RECK: variants seen among roughly 807,000 people sequenced by gnomAD.
RECK encodes reversion-inducing cysteine-rich protein with Kazal motifs.
RECK carries 69 observed loss-of-function variants against 115.1 expected under a neutral mutation model. The observed-to-expected ratio is 0.60, with a 90% CI of 0.49 to 0.73. RECK has a LOEUF of 0.73. RECK is among the 30% of genes least tolerant of loss of function. RECK has a pLI of 0.00. For synonymous variants in RECK, 414 were observed against 419.7 expected (o/e 0.99, Z 0.17); for missense variants, 1,047 against 1,203.7 (o/e 0.87, Z 1.93).
At chr9:36,119,977 G>A (rs1824396872) in intron 18 of RECK, among the ~76,000 whole-genome samples, 1 of 152,192 alleles carries the variant, frequency 6.6e-6, no homozygotes, top group Non-Finnish European at 1.5e-5. Context: ...GCTCACGCCT[G>A]TAATCCCAGC....
chr9:36,037,010 C>G lies in RECK; in HGVS notation c.12C>G (p.Val4=). The G allele has an allele frequency of 7.0e-7, 1 of 1,433,608 alleles. No individual in the cohort carries two copies. Among genetic ancestry groups the G allele is most frequent in the Non-Finnish European group, 9.2e-7 (1 of 1,091,128 alleles). 88.8% of individuals were successfully genotyped at this position (1,433,608 alleles called of 1,614,324 possible). ...CGCCCGGCCCGGACATGGCGACCGT[C>G]CGGGCCTCTCTGCGAGGTGCGCTGC... MAT[V]RASLRGALLL... The change falls in exon 1 of 21, where the codon GTC becomes GTG. Residue 4 remains valine (V), a synonymous_variant. Transcript: ENST00000377966.
chr9:36,068,630 C>G (rs1327233254), intron 6 of RECK, among the ~76,000 whole-genome samples: 1 of 152,190 alleles, frequency 6.6e-6, no homozygotes, highest in Non-Finnish European at 1.5e-5. Context: ...ATTTTTATAG[C>G]TTTGTAGCTT....
At chr9:36,098,870 C>T (rs1405931280) in intron 10 of RECK, among the ~76,000 whole-genome samples, 1 of 152,098 alleles carries the variant, frequency 6.6e-6, no homozygotes, top group Non-Finnish European at 1.5e-5. Context: ...ATCAGAATAT[C>T]CTTTCCTCTG....
At position 36,063,874 on chromosome 9, in the gene RECK, C is replaced by A; in HGVS notation, c.351C>A (p.Cys117Ter). ...TTGCCTTGGAGTGTCGACAGGCATG[C>A]AAGCAGGTAACACTGGGTAGTCAGG... ...LAIALECRQA[C>*]KQASSKNDIS... Residue 117 changes from cysteine (C) to a stop codon, truncating the protein, a stop_gained, in exon 5 of 21, where the codon TGC becomes TGA. Transcript: ENST00000377966. LOFTEE classifies it high-confidence loss of function. 1 of 1,613,862 alleles carries A rather than the reference C, an allele frequency of 6.2e-7. No individual in the cohort carries two copies.
At chr9:36,049,600 T>C (rs1014872813) in intron 1 of RECK, among the ~76,000 whole-genome samples, 5 of 152,190 alleles carry the variant, frequency 3.3e-5, no homozygotes, top group Admixed American at 6.5e-5. Flanking sequence ...TGGGCCACCG[T>C]TTGGGCAAGC....
intron 16 of RECK, among the ~76,000 whole-genome samples, chr9:36,114,737 C>G (rs569405234): frequency 1.4e-4 from 21 of 152,096 alleles, no homozygotes; most frequent in African/African-American, 5.1e-4. Context: ...CCCAGCTACT[C>G]GGGAGGCTGA....
intron 6 of RECK, among the ~76,000 whole-genome samples, chr9:36,075,242 A>G (rs997375061): frequency 6.6e-6 from 1 of 152,206 alleles, no homozygotes; most frequent in African/African-American, 2.4e-5. Context: ...TGGGGCCATT[A>G]CTGTAGTCAG....
chr9:36,116,431 C>T (rs1024381113), intron 16 of RECK, among the ~76,000 whole-genome samples: 5 of 152,088 alleles, frequency 3.3e-5, no homozygotes, highest in Admixed American at 6.5e-5. Flanking sequence ...CCAGCTGAGG[C>T]CTTTTCTTAA....
chr9:36,118,696 C>A (rs1253286455), intron 17 of RECK, 61 bp from the exon 18 acceptor site: 1 of 1,513,370 alleles, frequency 6.6e-7, no homozygotes, highest in African/African-American at 1.4e-5. Flanking sequence ...GCTGTGTACT[C>A]TTGGTTGGGA....
intron 6 of RECK, among the ~76,000 whole-genome samples, chr9:36,068,277 G>A (rs1010594410): frequency 1.3e-5 from 2 of 152,118 alleles, no homozygotes; most frequent in African/African-American, 4.8e-5. Context: ...AAATATTCAA[G>A]AATAAATCAG....
chr9:36,057,349 C>T (rs112127080), intron 2 of RECK, among the ~76,000 whole-genome samples: 1 of 152,140 alleles, frequency 6.6e-6, no homozygotes, highest in Non-Finnish European at 1.5e-5. Context: ...TTCTCTCGCT[C>T]TCTAACCCCC....
intron 10 of RECK, among the ~76,000 whole-genome samples, chr9:36,097,026 A>C (rs1000618370): frequency 2.0e-5 from 3 of 152,160 alleles, no homozygotes; most frequent in Admixed American, 1.3e-4. Flanking sequence ...ACTCAATTTT[A>C]AAATTATGCA....
Position 36,094,815 on chromosome 9 carries a change from AAG to A in RECK, c.1085+3480_1085+3481del, listed in dbSNP as rs1272718395. 6.6e-6 allele frequency among the ~76,000 whole-genome samples: 1 copy of A among 152,150 alleles called. No individual in the cohort carries two copies. The highest frequency in any genetic ancestry group is 2.4e-5 in the African/African-American group (1 of 41,446). Reference sequence around the variant, plus strand: ...TACTTAAAAACAGAAGTAAACCCTAAAGAGAGAGAAATATTCAATCATATTCA... The same window carrying A: ...TACTTAAAAACAGAAGTAAACCCTAAAGAGAGAAATATTCAATCATATTCA... On this transcript the variant is annotated intron_variant, in intron 10 of 20. Transcript: ENST00000377966. This position sits in a 1 kb window ranked among gnomAD's most constrained non-coding sequence, Gnocchi z 4.1.
At chr9:36,088,074 G>A in intron 9 of RECK, 113 bp downstream of exon 9, 1 of 754,918 alleles carries the variant, frequency 1.3e-6, no homozygotes, top group Non-Finnish European at 2.2e-6. Context: ...TTAGCATTTA[G>A]AAAATATAAA....
At chr9:36,096,989 TACA>T (rs1270928298) in intron 10 of RECK, among the ~76,000 whole-genome samples, 1 of 151,862 alleles carries the variant, frequency 6.6e-6, no homozygotes, top group Non-Finnish European at 1.5e-5. Flanking sequence ...AAATAACTCC[TACA>T]ACATCATGAT....
At position 36,110,037 on chromosome 9, in the gene RECK, C is replaced by T. The variant is rs1205697232; in HGVS notation, c.1846C>T (p.Leu616Phe). ...GNLVCSTRLC[L>F]SEHSSEDDRR... is the part of the protein sequence containing the mutation. ...TTTGGTGTGCTCTACCCGCCTTTGC[C>T]TCAGTGAGCACAGTTCAGAAGATGA... Residue 616 changes from leucine to phenylalanine, a missense_variant, in exon 15 of 21, where the codon CTC becomes TTC. Transcript: ENST00000377966. 2 of 1,613,908 alleles carry T rather than the reference C, an allele frequency of 1.2e-6. No homozygotes were observed. Among genetic ancestry groups the T allele is most frequent in the Non-Finnish European group, 1.7e-6 (2 of 1,179,806 alleles).
rs981943847 is a variant in RECK, at chr9:36,094,746, A to G, written c.1085+3403A>G. On this transcript the variant is annotated intron_variant, in intron 10 of 20. Transcript: ENST00000377966. This position sits in a 1 kb window ranked among gnomAD's most constrained non-coding sequence, Gnocchi z 4.1. ...TTTATCATGAAGATACAATTAACCT[A>G]GATATATATGCACCTAATGTCAGAT... Among the ~76,000 whole-genome samples, 3 of 152,238 alleles carry G rather than the reference A, an allele frequency of 2.0e-5. No individual in the cohort carries two copies. The highest frequency in any genetic ancestry group is 7.2e-5 in the African/African-American group (3 of 41,462).
chr9:36,116,452 T>A (rs954942483), intron 16 of RECK, among the ~76,000 whole-genome samples: 1 of 152,134 alleles, frequency 6.6e-6, no homozygotes, highest in African/African-American at 2.4e-5. Flanking sequence ...GGTAGACTCA[T>A]ATTAGCCAAG....
At chr9:36,095,800 G>A (rs1421624803) in intron 10 of RECK, among the ~76,000 whole-genome samples, 1 of 151,912 alleles carries the variant, frequency 6.6e-6, no homozygotes, top group Non-Finnish European at 1.5e-5. Flanking sequence ...GCCAGGCACG[G>A]TGGCTCACGC....
Sources: gnomAD v4.1 joint callset for allele counts (sites outside exome capture counted in the v4.1 genomes callset) on GRCh38, gnomAD v4.1.1 for gene constraint, Gnocchi (gnomAD v3.1) non-coding constraint, MANE v1.5 for transcripts, NCBI Gene and HGNC (gene_info 2026-07-23, HGNC 2026-07-21) for gene names.